Variants in TRHDE observed in about 807,000 individuals in gnomAD.
The protein encoded by TRHDE is thyrotropin-releasing hormone-degrading ectoenzyme.
A neutral mutation model predicts 125.7 loss-of-function variants in TRHDE; 72 were observed. That is an observed-to-expected ratio of 0.57 (90% CI 0.47 to 0.70). TRHDE has a LOEUF of 0.70. TRHDE is among the 30% of genes least tolerant of loss of function. TRHDE has a pLI of 0.00. For synonymous variants in TRHDE, 509 were observed against 509.1 expected, an observed-to-expected ratio of 1.00 and a Z score of 0.00; for missense variants, 1,110 against 1,327.1, an observed-to-expected ratio of 0.84 and a Z score of 2.54.
intron 2 of TRHDE, among the ~76,000 whole-genome samples, chr12:72,170,409 A>G (rs914187582): frequency 6.6e-6 from 1 of 152,164 alleles, no homozygotes; most frequent in African/African-American, 2.4e-5. Context: ...TTAACAGAAG[A>G]CTAAATCTAT....
intron 15 of TRHDE, among the ~76,000 whole-genome samples, chr12:72,633,424 T>G (rs978815852): frequency 6.6e-6 from 1 of 152,126 alleles, no homozygotes; most frequent in African/African-American, 2.4e-5. Flanking sequence ...TCTTTTGAAT[T>G]TCACAGGGCC....
intron 3 of TRHDE, among the ~76,000 whole-genome samples, chr12:72,417,452 C>T (rs1044041025): frequency 1.3e-5 from 2 of 152,010 alleles, no homozygotes; most frequent in African/African-American, 4.8e-5. Flanking sequence ...GGACAAGCCA[C>T]AGCATTACTC....
Position 72,272,586 on chromosome 12 carries a change from G to C in TRHDE, c.-58G>C, listed in dbSNP as rs573116776. On this transcript the variant is annotated 5_prime_UTR_variant, in exon 1 of 19. Coordinates refer to ENST00000261180, the MANE Select transcript of TRHDE (RefSeq NM_013381.3). The surrounding 1 kb of genome is among the most constrained non-coding windows in gnomAD (Gnocchi z 6.7). ...CCGATGCCTGCTCTGGCTGTGGCCC[G>C]GGTGGCCCGCCCGCGGGGGGTGCCA... The C allele has an allele frequency of 1.5e-5, 10 of 676,996 alleles. No homozygotes were observed. Among genetic ancestry groups the C allele is most frequent in the Admixed American group, 6.2e-5 (2 of 32,494 alleles). 41.9% of individuals were successfully genotyped at this position (676,996 alleles called of 1,614,324 possible). A position where few individuals can be genotyped will look rare whatever the true frequency, so the allele number is the denominator to read the frequency against.
chr12:72,563,804 C>T (rs866381327), intron 9 of TRHDE, among the ~76,000 whole-genome samples: 3 of 9,774 alleles, frequency 3.1e-4, no homozygotes, highest in Non-Finnish European at 6.4e-4. Context: ...GGGCTGGGGG[C>T]GGGGGTGGGG....
chr12:72,228,649 A>C (rs1347974400), intron 2 of TRHDE, among the ~76,000 whole-genome samples: 1 of 152,210 alleles, frequency 6.6e-6, no homozygotes, highest in Non-Finnish European at 1.5e-5. Flanking sequence ...CAAGTTTTCT[A>C]AATTTTTATG....
At chr12:72,342,978 C>G (rs1359830850) in intron 2 of TRHDE, among the ~76,000 whole-genome samples, 1 of 152,080 alleles carries the variant, frequency 6.6e-6, no homozygotes, top group Non-Finnish European at 1.5e-5. Flanking sequence ...TGAGGTGGGT[C>G]CTGTTACTAC....
chr12:72,184,835 T>C lies in TRHDE; in HGVS notation n.279+79083T>C, dbSNP rs139772239. 4.5e-3 allele frequency among the ~76,000 whole-genome samples: 688 copies of C among 152,314 alleles called. 8 individuals are homozygous for C. The highest frequency in any genetic ancestry group is 0.015 in the African/African-American group (638 of 41,576). On this transcript the variant is annotated intron_variant and non_coding_transcript_variant, in intron 2 of 4. Transcript: ENST00000548156. ...TCAGTCTGCCCTCCAGCAGTTGTTA[T>C]GGTTGATTTCCTCAGTAATTTTGAG...
In TRHDE at chr12:72,566,341, A is replaced by G. The variant is rs559697948; in HGVS notation, c.2043-2227A>G. 3.3e-5 allele frequency among the ~76,000 whole-genome samples: 5 copies of G among 151,920 alleles called. No homozygotes were observed. In the East Asian group the frequency reaches 9.7e-4, roughly 29 times the overall value. ...AAATTTTTTTTTTAAGTTTTAAAAA[A>G]TGCCTCAAAGTTTGTATCCCCAAAC... is the stretch of plus-strand genomic sequence containing the variant. On this transcript the variant is annotated intron_variant, in intron 9 of 18. Transcript: ENST00000261180.
chr12:72,393,951 A>G (rs931919709), intron 3 of TRHDE, among the ~76,000 whole-genome samples: 6 of 152,136 alleles, frequency 3.9e-5, no homozygotes, highest in Middle Eastern at 3.2e-3. Flanking sequence ...GCAATCCTTC[A>G]CTGGGAGACA....
chr12:72,374,023 A>T (rs753896465), intron 2 of TRHDE, among the ~76,000 whole-genome samples: 14 of 152,148 alleles, frequency 9.2e-5, no homozygotes, highest in Non-Finnish European at 1.9e-4. Flanking sequence ...GGAGCAAGGG[A>T]CGAGGCATCA....
At chr12:72,641,974 C>T (rs887056183) in intron 15 of TRHDE, among the ~76,000 whole-genome samples, 4 of 152,104 alleles carry the variant, frequency 2.6e-5, no homozygotes, top group African/African-American at 9.7e-5. Context: ...TGCTGAAGCC[C>T]TCACAATGTG....
At chr12:72,408,646 T>C (rs1172958824) in intron 3 of TRHDE, among the ~76,000 whole-genome samples, 1 of 152,150 alleles carries the variant, frequency 6.6e-6, no homozygotes, top group Non-Finnish European at 1.5e-5. Context: ...GCCAACAATG[T>C]TTAAAGAAAT....
chr12:72,617,327 G>A (rs1246649192), intron 12 of TRHDE, among the ~76,000 whole-genome samples: 4 of 152,070 alleles, frequency 2.6e-5, no homozygotes, highest in African/African-American at 4.8e-5. Flanking sequence ...GAAAACTGCA[G>A]CACCCTCTTC....
At chr12:72,124,981 T>C (rs1237519128) in intron 2 of TRHDE, among the ~76,000 whole-genome samples, 1 of 152,226 alleles carries the variant, frequency 6.6e-6, no homozygotes, top group African/African-American at 2.4e-5. Context: ...TTTAGGTTTT[T>C]AAATGTTGAG....
chr12:72,161,895 A>C (rs755671950), intron 2 of TRHDE, among the ~76,000 whole-genome samples: 1 of 152,220 alleles, frequency 6.6e-6, no homozygotes, highest in African/African-American at 2.4e-5. Flanking sequence ...CCCATTGTAC[A>C]CTTTAAATAT....
intron 1 of TRHDE, among the ~76,000 whole-genome samples, chr12:72,284,766 A>T (rs889664762): frequency 1.4e-4 from 21 of 152,228 alleles, no homozygotes; most frequent in African/African-American, 4.6e-4. Flanking sequence ...TTTTCAACTT[A>T]GAAATTTATG....
intron 2 of TRHDE, among the ~76,000 whole-genome samples, chr12:72,292,472 G>T (rs1880124874): frequency 6.6e-6 from 1 of 152,030 alleles, no homozygotes; most frequent in African/African-American, 2.4e-5. Flanking sequence ...AATTTTCATG[G>T]CCAGTGAGAA....
intron 2 of TRHDE, chr12:72,255,610 C>T (rs1451325596): frequency 1.3e-5 from 2 of 152,230 alleles, no homozygotes; most frequent in African/African-American, 2.4e-5. Flanking sequence ...AATCTTCCTT[C>T]TCAGGAGAGA....
intron 2 of TRHDE, among the ~76,000 whole-genome samples, chr12:72,138,871 G>A (rs1177059644): frequency 1.3e-5 from 2 of 152,200 alleles, no homozygotes; most frequent in Non-Finnish European, 2.9e-5. Context: ...GAAACAGAGG[G>A]AGGGTGTCCT....
Sources: gnomAD v4.1 joint callset for allele counts (sites outside exome capture counted in the v4.1 genomes callset) on GRCh38, gnomAD v4.1.1 for gene constraint, Gnocchi (gnomAD v3.1) non-coding constraint, MANE v1.5 for transcripts, NCBI Gene and HGNC (gene_info 2026-07-23, HGNC 2026-07-21) for gene names.